TULP4: variants seen among roughly 807,000 people sequenced by gnomAD.
TULP4 encodes the protein tubby-related protein 4.
A neutral mutation model predicts 129.0 loss-of-function variants in TULP4; 16 were observed. That is an observed-to-expected ratio of 0.12 (90% CI 0.08 to 0.19). TULP4 has a LOEUF of 0.19. Ranked by LOEUF, TULP4 falls within the 10% of genes least tolerant of loss-of-function variation. The probability of loss-of-function intolerance (pLI) is 1.00; values close to 1 mark genes in which losing one functional copy is unlikely to be tolerated. For missense variants in TULP4, 1,842 were observed against 2,059.1 expected (o/e 0.89, Z 2.04); for synonymous variants, 998 against 854.0 (o/e 1.17, Z -2.94).
At chr6:158,281,277 G>A (rs1362493926), upstream of TULP4, among the ~76,000 whole-genome samples, 2 of 150,738 alleles carry the variant, frequency 1.3e-5, no homozygotes, top group African/African-American at 4.9e-5. Flanking sequence ...GCAGTGGCAC[G>A]ATCTCTGCTC....
intron 4 of TULP4, 104 bp downstream of exon 4, chr6:158,449,280 C>A: frequency 1.6e-6 from 2 of 1,218,622 alleles, no homozygotes; most frequent in East Asian, 4.9e-5. Flanking sequence ...GGCCGCCACA[C>A]CTACGGCACC....
chr6:158,418,125 G>A (rs1353327314), intron 2 of TULP4, among the ~76,000 whole-genome samples: 1 of 150,260 alleles, frequency 6.7e-6, no homozygotes, highest in Admixed American at 6.6e-5. Flanking sequence ...TTGGGAGCGG[G>A]GGAGACAGGG....
At chr6:158,237,845 C>G (rs1369544869) in intron 1 of TULP4, 2 of 755,616 alleles carry the variant, frequency 2.6e-6, no homozygotes, top group Non-Finnish European at 5.0e-6. Flanking sequence ...AGAGCTGTGC[C>G]TTTCTCTGGA....
intron 1 of TULP4, among the ~76,000 whole-genome samples, chr6:158,388,736 AACTT>A (rs567859245): frequency 1.3e-3 from 201 of 152,326 alleles, no homozygotes; most frequent in African/African-American, 4.6e-3. Flanking sequence ...TTGAAAAATA[AACTT>A]ACTGTTTAAA....
intron 2 of TULP4, among the ~76,000 whole-genome samples, chr6:158,416,651 C>T (rs1440648782): frequency 6.6e-6 from 1 of 152,054 alleles, no homozygotes; most frequent in Non-Finnish European, 1.5e-5. Flanking sequence ...GAGGAAAGAA[C>T]CATTTTTTTA....
intron 3 of TULP4, among the ~76,000 whole-genome samples, chr6:158,437,318 T>C (rs1010358886): frequency 1.3e-5 from 2 of 152,148 alleles, no homozygotes; most frequent in African/African-American, 4.8e-5. Flanking sequence ...TCTTAGCACT[T>C]TGGGAGGCCA....
chr6:158,467,083 A>AT (rs1272914055), intron 6 of TULP4, among the ~76,000 whole-genome samples: 2 of 152,246 alleles, frequency 1.3e-5, no homozygotes, highest in African/African-American at 2.4e-5. Flanking sequence ...CACCTCTTAA[A>AT]TAATGCTCCT....
At chr6:158,275,598 T>C (rs2128463987) in intron 1 of TULP4, among the ~76,000 whole-genome samples, 1 of 152,318 alleles carries the variant, frequency 6.6e-6, no homozygotes, top group East Asian at 1.9e-4. Flanking sequence ...CCCTAGAGAT[T>C]CCTTTGAACC....
intron 1 of TULP4, among the ~76,000 whole-genome samples, chr6:158,324,365 G>A (rs962666820): frequency 6.6e-6 from 1 of 152,202 alleles, no homozygotes; most frequent in Non-Finnish European, 1.5e-5. Flanking sequence ...ATGTTGTACT[G>A]TTCTGATGTA....
chr6:158,348,172 G>GTTTTTTTTTTTTTTTTTTATTTT (rs1294845534), intron 1 of TULP4, among the ~76,000 whole-genome samples: 3 of 56,564 alleles, frequency 5.3e-5, no homozygotes, highest in African/African-American at 8.9e-5. Flanking sequence ...TTTTTTTTAA[G>GTTTTTTTTTTTTTTTTTTATTTT]GTTTTTTTTT....
At chr6:158,396,370 A>G (rs569512122) in intron 1 of TULP4, among the ~76,000 whole-genome samples, 4 of 152,330 alleles carry the variant, frequency 2.6e-5, no homozygotes, top group Non-Finnish European at 5.9e-5. Context: ...CAATGAAGAA[A>G]TATTTACACA....
chr6:158,472,400 C>T (rs1779707296), intron 6 of TULP4, among the ~76,000 whole-genome samples: 1 of 152,168 alleles, frequency 6.6e-6, no homozygotes, highest in Non-Finnish European at 1.5e-5. Flanking sequence ...AGTACCTCAG[C>T]ATTTCAATAA....
chr6:158,307,321 A>G (rs1281848854), intron 1 of TULP4, among the ~76,000 whole-genome samples: 3 of 152,234 alleles, frequency 2.0e-5, no homozygotes, highest in Non-Finnish European at 4.4e-5. Context: ...GGATTTTAAT[A>G]GTCTTCAGAT....
intron 1 of TULP4, among the ~76,000 whole-genome samples, chr6:158,238,626 ACTCTTAAGGAG>A (rs1777773640): frequency 9.5e-6 from 1 of 105,430 alleles, no homozygotes; most frequent in African/African-American, 3.6e-5. Context: ...ATTGGTGATG[ACTCTTAAGGAG>A]CATGCTGCCT....
At chr6:158,281,485 G>C (rs976349109), upstream of TULP4, among the ~76,000 whole-genome samples, 1 of 152,116 alleles carries the variant, frequency 6.6e-6, no homozygotes, top group Non-Finnish European at 1.5e-5. Context: ...ATGTAGTGAG[G>C]CATTTCCATT....
intron 12 of TULP4, 95 bp downstream of exon 12, chr6:158,498,907 GC>G (rs1780387427): frequency 1.3e-6 from 2 of 1,485,748 alleles, no homozygotes; most frequent in East Asian, 2.3e-5. Context: ...ATTTCAGTCT[GC>G]TACCTGGGTT....
intron 1 of TULP4, among the ~76,000 whole-genome samples, chr6:158,404,653 G>A (rs1157609460): frequency 1.3e-5 from 2 of 151,838 alleles, no homozygotes; most frequent in Non-Finnish European, 2.9e-5. Flanking sequence ...GTGCACGCCT[G>A]TAATCCCAGC....
chr6:158,392,418 A>T (rs764685258), intron 1 of TULP4, among the ~76,000 whole-genome samples: 7 of 152,202 alleles, frequency 4.6e-5, no homozygotes, highest in Non-Finnish European at 8.8e-5. Context: ...AGCTTATGCA[A>T]ATAGGAATTT....
intron 2 of TULP4, among the ~76,000 whole-genome samples, chr6:158,425,747 G>A (rs935951134): frequency 6.6e-6 from 1 of 151,912 alleles, no homozygotes; most frequent in Admixed American, 6.6e-5. Context: ...AGGATTACAG[G>A]CACCTGACAC....
Sources: gnomAD v4.1 joint callset for allele counts (sites outside exome capture counted in the v4.1 genomes callset) on GRCh38, gnomAD v4.1.1 for gene constraint, MANE v1.5 for transcripts, NCBI Gene and HGNC (gene_info 2026-07-23, HGNC 2026-07-21) for gene names.